Variants in SERGEF observed in about 807,000 individuals in gnomAD.
SERGEF encodes the protein secretion-regulating guanine nucleotide exchange factor.
Under a neutral mutation model 50.0 loss-of-function variants are expected in SERGEF, and 51 were observed. The observed-to-expected ratio is 1.02, with a 90% CI of 0.81 to 1.29. SERGEF has a LOEUF of 1.29. SERGEF is among the 50% of genes most tolerant of loss of function. SERGEF has a pLI of 0.00. For synonymous variants in SERGEF, 205 were observed against 212.4 expected (o/e 0.97, Z 0.30); for missense variants, 521 against 557.0 (o/e 0.94, Z 0.65).
chr11:17,862,221 C>T (rs1850938754), intron 10 of SERGEF, among the ~76,000 whole-genome samples: 1 of 152,156 alleles, frequency 6.6e-6, no homozygotes, highest in Non-Finnish European at 1.5e-5. Flanking sequence ...CCGTTAAGAC[C>T]CACTTCAAGG....
At position 17,995,845 on chromosome 11, in the gene SERGEF, C is replaced by A; in HGVS notation, c.573G>T (p.Gly191=). 6.2e-7 allele frequency: 1 copy of A among 1,614,010 alleles called. No individual in the cohort carries two copies. Among genetic ancestry groups the A allele is most frequent in the Non-Finnish European group, 8.5e-7 (1 of 1,179,954 alleles). ...CTGTGAAAAACAATGGAAGAGTCTG[C>A]CCAGGGCACAACCGTCGTCCACATG... ...LASCGRRLCP[G]QTLPLFFTAK... is the part of the protein sequence containing the mutation. The change falls in exon 6 of 11, where the codon GGG becomes GGT. Residue 191 remains glycine (G), a synonymous_variant. Transcript: ENST00000265965.
rs1326280765 is a variant in SERGEF at position 18,000,742 on chromosome 11, C to G, written c.448-185G>C. The G allele has an allele frequency of 5.7e-6, 4 of 695,754 alleles. No individual in the cohort carries two copies. In the South Asian group the frequency reaches 6.1e-5, roughly 11 times the overall value. The allele number at this position is 695,754 out of a possible 1,614,324, so 43.1% of individuals were successfully genotyped here. ...TTATCCCTAAAAGAAAAAAATATAT[C>G]TTTTAAAATACCATATCACAATACC... On this transcript the variant is annotated intron_variant, in intron 4 of 10. Transcript: ENST00000265965.
chr11:17,807,336 C>G (rs372313440), intron 10 of SERGEF, among the ~76,000 whole-genome samples: 3 of 101,992 alleles, frequency 2.9e-5, no homozygotes, highest in Non-Finnish European at 4.6e-5. Context: ...ACTCCCCCCC[C>G]ACAAAAAAAA....
intron 9 of SERGEF, among the ~76,000 whole-genome samples, chr11:17,949,449 T>C (rs1852731644): frequency 6.6e-6 from 1 of 151,738 alleles, no homozygotes; most frequent in Non-Finnish European, 1.5e-5. Context: ...CAGATGGCCT[T>C]ATATAGGGGA....
intron 9 of SERGEF, among the ~76,000 whole-genome samples, chr11:17,910,895 C>A (rs1851939692): frequency 6.6e-6 from 1 of 152,132 alleles, no homozygotes; most frequent in Non-Finnish European, 1.5e-5. Flanking sequence ...CCAGGAGGGC[C>A]TCGTGGCTCA....
rs149890595 is a variant in SERGEF, at chr11:17,826,415, T to C, written c.1049-38002A>G. On this transcript the variant is annotated intron_variant, in intron 10 of 10. Transcript: ENST00000265965. ...AATTCTCGGGCTCCCCAGTGGGAGT[T>C]TGAAGAACTCAAACCCTTCCAAGAG... is the stretch of plus-strand genomic sequence containing the variant. Among the ~76,000 whole-genome samples, 640 of 152,338 alleles carry C rather than the reference T, an allele frequency of 4.2e-3. 2 individuals carry two copies. Among genetic ancestry groups the C allele is most frequent in the African/African-American group, 0.014 (569 of 41,580 alleles).
intron 10 of SERGEF, among the ~76,000 whole-genome samples, chr11:17,829,456 G>A (rs932515174): frequency 6.6e-6 from 1 of 152,176 alleles, no homozygotes; most frequent in Admixed American, 6.5e-5. Flanking sequence ...AAGTTGTAAA[G>A]GGCTATGCCA....
At chr11:17,843,998 A>T (rs1294417289) in intron 10 of SERGEF, among the ~76,000 whole-genome samples, 1 of 152,158 alleles carries the variant, frequency 6.6e-6, no homozygotes, top group Non-Finnish European at 1.5e-5. Context: ...TCCCAAATCT[A>T]TTGATCTGGA....
intron 8 of SERGEF, among the ~76,000 whole-genome samples, chr11:17,967,433 C>T (rs1048499028): frequency 3.3e-5 from 5 of 152,200 alleles, no homozygotes; most frequent in Non-Finnish European, 7.3e-5. Flanking sequence ...AGTGAGTGAG[C>T]TTCATCCATC....
intron 8 of SERGEF, among the ~76,000 whole-genome samples, chr11:17,969,870 C>T (rs911240534): frequency 6.6e-6 from 1 of 152,214 alleles, no homozygotes; most frequent in Non-Finnish European, 1.5e-5. Flanking sequence ...AAGTTCTTTA[C>T]ATTCAATTCA....
At chr11:17,899,343 T>C (rs1851703129) in intron 9 of SERGEF, among the ~76,000 whole-genome samples, 1 of 152,192 alleles carries the variant, frequency 6.6e-6, no homozygotes, top group South Asian at 2.1e-4. Context: ...TAATCCAAAA[T>C]TTACTGAGTT....
At chr11:17,974,072 T>G (rs923086311) in intron 8 of SERGEF, among the ~76,000 whole-genome samples, 3 of 152,092 alleles carry the variant, frequency 2.0e-5, no homozygotes, top group African/African-American at 7.2e-5. Context: ...TCAAATGGCT[T>G]GTCTAGAGGT....
At chr11:17,814,030 C>T (rs929874706) in intron 10 of SERGEF, among the ~76,000 whole-genome samples, 1 of 152,142 alleles carries the variant, frequency 6.6e-6, no homozygotes, top group Admixed American at 6.5e-5. Context: ...TTAAGTGAAA[C>T]CTCTTCAAAC....
chr11:18,012,785 C>T, intron 1 of SERGEF, 166 bp downstream of exon 1: 1 of 1,141,352 alleles, frequency 8.8e-7, no homozygotes, highest in Non-Finnish European at 1.2e-6. Flanking sequence ...CCCCGCCCGC[C>T]CGCTCCTCCT....
chr11:17,977,304 T>G (rs2133986186), intron 8 of SERGEF, among the ~76,000 whole-genome samples: 1 of 152,144 alleles, frequency 6.6e-6, no homozygotes, highest in Non-Finnish European at 1.5e-5. Flanking sequence ...GAATAGAGTG[T>G]AAGAGGTGAC....
chr11:18,000,884 C>A, intron 4 of SERGEF: 1 of 499,580 alleles, frequency 2.0e-6, no homozygotes, highest in Non-Finnish European at 3.9e-6. Context: ...CAGTTTCTGT[C>A]ACACTACTCA....
intron 9 of SERGEF, among the ~76,000 whole-genome samples, chr11:17,931,987 AAC>A (rs1264584598): frequency 6.6e-6 from 1 of 152,180 alleles, no homozygotes; most frequent in East Asian, 1.9e-4. Flanking sequence ...CTTTCAATTA[AAC>A]CTAAGAGAAA....
At chr11:17,852,485 C>T (rs1403375776) in intron 10 of SERGEF, among the ~76,000 whole-genome samples, 2 of 152,178 alleles carry the variant, frequency 1.3e-5, no homozygotes, top group African/African-American at 2.4e-5. Context: ...GCTAAATCTG[C>T]TACACACCAC....
chr11:17,940,900 T>C (rs2133955755), intron 9 of SERGEF, among the ~76,000 whole-genome samples: 1 of 152,310 alleles, frequency 6.6e-6, no homozygotes, highest in South Asian at 2.1e-4. Context: ...GCCAAAAGCA[T>C]TACAAATAAG....
Sources: allele counts gnomAD v4.1 joint callset (sites outside exome capture counted in the v4.1 genomes callset), GRCh38; gene constraint gnomAD v4.1.1; transcripts MANE v1.5; gene names NCBI Gene and HGNC (gene_info 2026-07-23, HGNC 2026-07-21).